TRPM3: variants seen among roughly 807,000 people sequenced by gnomAD.
TRPM3 encodes the protein transient receptor potential cation channel subfamily M member 3, also known as long transient receptor potential channel 3.
Under a neutral mutation model 181.2 loss-of-function variants are expected in TRPM3, and 77 were observed. The observed-to-expected ratio is 0.42, with a 90% confidence interval of 0.35 to 0.51. The LOEUF (loss-of-function observed/expected upper bound fraction) is 0.51, where lower values mean the gene tolerates loss of function less well. Ranked by LOEUF, TRPM3 falls within the 20% of genes least tolerant of loss-of-function variation. TRPM3 has a pLI of 0.01. For missense variants in TRPM3, 1,759 were observed against 2,196.7 expected, an observed-to-expected ratio of 0.80 and a Z score of 3.98; for synonymous variants, 745 against 796.4, an observed-to-expected ratio of 0.94 and a Z score of 1.09.
intron 1 of TRPM3, among the ~76,000 whole-genome samples, chr9:70,940,521 A>G (rs2096875731): frequency 6.6e-6 from 1 of 152,216 alleles, no homozygotes; most frequent in African/African-American, 2.4e-5. Context: ...ATGCTAGGTG[A>G]TGGGGTGTTC....
At chr9:70,935,260 G>T (rs2096817474) in intron 1 of TRPM3, among the ~76,000 whole-genome samples, 1 of 152,118 alleles carries the variant, frequency 6.6e-6, no homozygotes, top group African/African-American at 2.4e-5. Flanking sequence ...ACTGGGTTGT[G>T]TTTAATGAGT....
chr9:71,349,736 T>C (rs536738749), intron 1 of TRPM3, among the ~76,000 whole-genome samples: 1 of 152,154 alleles, frequency 6.6e-6, no homozygotes, highest in East Asian at 1.9e-4. Context: ...TCAGAAACTA[T>C]TAGACTATGT....
intron 8 of TRPM3, among the ~76,000 whole-genome samples, chr9:70,759,394 A>T (rs548031225): frequency 5.3e-4 from 81 of 152,356 alleles, no homozygotes; most frequent in Non-Finnish European, 1.0e-3. Flanking sequence ...GGGAGTGTAT[A>T]TTAGTTCAAT....
intron 1 of TRPM3, among the ~76,000 whole-genome samples, chr9:71,024,035 T>C (rs777261511): frequency 6.6e-6 from 1 of 152,214 alleles, no homozygotes; most frequent in African/African-American, 2.4e-5. Context: ...TTGTACAATG[T>C]CAATGTCCTG....
intron 22 of TRPM3, among the ~76,000 whole-genome samples, chr9:70,565,443 G>A (rs2050307037): frequency 6.6e-6 from 1 of 152,086 alleles, no homozygotes; most frequent in South Asian, 2.1e-4. Flanking sequence ...ACAGGCACAA[G>A]CTACCATGCC....
At chr9:71,414,646 A>G (rs147196978) in intron 1 of TRPM3, among the ~76,000 whole-genome samples, 32 of 152,204 alleles carry the variant, frequency 2.1e-4, no homozygotes, top group African/African-American at 7.2e-4. Flanking sequence ...TACATGACAT[A>G]TGGTATAAAA....
chr9:70,846,497 A>T lies in TRPM3; in HGVS notation c.557T>A (p.Val186Asp). 1 of 1,614,142 alleles carries T rather than the reference A, an allele frequency of 6.2e-7. No homozygotes were observed. Among genetic ancestry groups the T allele is most frequent in the African/African-American group, 1.3e-5 (1 of 75,036 alleles). Residue 186 changes from valine (V) to aspartate (D), a missense_variant, in exon 4 of 26, where the codon GTC (valine) becomes GAC (aspartate). By Grantham distance (152) the Val-to-Asp change is radical (BLOSUM62 -3). Around this residue, in one of 8 missense-constraint regions of TRPM3, gnomAD observed 737 missense variants for 957.4 expected, o/e 0.77. Coordinates refer to ENST00000677713, the MANE Select transcript of TRPM3 (RefSeq NM_001366145.2). The part of the protein sequence containing the change: ...QLELPKLLIS[V>D]HGGLQNFELQ... ...TTCAAAGTTCTGCAGGCCCCCATGG[A>T]CAGAGATGAGAAGCTTGGGAAGCTC... is the stretch of plus-strand genomic sequence containing the variant.
At chr9:70,883,536 G>A (rs984473827) in intron 1 of TRPM3, among the ~76,000 whole-genome samples, 2 of 152,194 alleles carry the variant, frequency 1.3e-5, no homozygotes, top group African/African-American at 4.8e-5. Context: ...CTGAGAGCTT[G>A]AGAAAGTGGT....
chr9:70,653,140 T>A (rs940128267), intron 9 of TRPM3, among the ~76,000 whole-genome samples: 2 of 152,082 alleles, frequency 1.3e-5, no homozygotes, highest in African/African-American at 4.8e-5. Flanking sequence ...AGGATTTGGG[T>A]TTAGCCAAGA....
chr9:71,319,914 A>T (rs141874705), intron 1 of TRPM3, among the ~76,000 whole-genome samples: 32 of 152,262 alleles, frequency 2.1e-4, no homozygotes, highest in African/African-American at 6.7e-4. Context: ...AAGAATTACA[A>T]AATTCTAATA....
chr9:70,647,745 G>A (rs1304971665), intron 9 of TRPM3, among the ~76,000 whole-genome samples: 1 of 152,182 alleles, frequency 6.6e-6, no homozygotes, highest in African/African-American at 2.4e-5. Context: ...AAGAGAGGAA[G>A]TCAAACTATC....
intron 1 of TRPM3, among the ~76,000 whole-genome samples, chr9:70,892,559 A>G (rs973458643): frequency 2.0e-5 from 3 of 151,570 alleles, no homozygotes; most frequent in Admixed American, 2.0e-4. Context: ...GTCTCAAGTC[A>G]ATACATTGCT....
At chr9:70,674,154 T>C (rs2063529829) in intron 9 of TRPM3, among the ~76,000 whole-genome samples, 2 of 152,252 alleles carry the variant, frequency 1.3e-5, no homozygotes, top group Non-Finnish European at 1.5e-5. Flanking sequence ...GTACACATAA[T>C]TAGAAATATT....
At position 70,847,234 on chromosome 9, in the gene TRPM3, T is replaced by G. The variant is rs538401034; in HGVS notation, c.463-643A>C. Among the ~76,000 whole-genome samples the G allele has an allele frequency of 5.3e-5, 8 of 152,226 alleles. No individual in the cohort carries two copies. In the East Asian group the frequency reaches 1.4e-3, roughly 26 times the overall value. On this transcript the variant is annotated intron_variant, in intron 3 of 25. Transcript: ENST00000677713. ...TTACCAGATGCAACTGGAAATAAAG[T>G]TATAATAAGTCTATATAAATGAAAT... is the stretch of plus-strand genomic sequence containing the variant.
At chr9:70,805,720 A>G (rs1427765671) in intron 6 of TRPM3, among the ~76,000 whole-genome samples, 1 of 152,194 alleles carries the variant, frequency 6.6e-6, no homozygotes. Context: ...AATGAAAAAA[A>G]TAAACAAAAG....
intron 21 of TRPM3, 150 bp from the exon 22 acceptor site, chr9:70,591,355 T>C: frequency 1.5e-6 from 1 of 653,264 alleles, no homozygotes; most frequent in East Asian, 2.7e-5. Flanking sequence ...TGTGTCCAGA[T>C]AAGAAGATGC....
intron 1 of TRPM3, among the ~76,000 whole-genome samples, chr9:71,001,630 T>G (rs1335929295): frequency 6.6e-6 from 1 of 152,176 alleles, no homozygotes; most frequent in African/African-American, 2.4e-5. Flanking sequence ...TTTCCTCCTG[T>G]AAAAACATTG....
intron 1 of TRPM3, among the ~76,000 whole-genome samples, chr9:71,258,828 G>A (rs1265229274): frequency 6.6e-6 from 1 of 152,040 alleles, no homozygotes; most frequent in Non-Finnish European, 1.5e-5. Context: ...AAAAGTTATA[G>A]ACTACTAATT....
intron 1 of TRPM3, among the ~76,000 whole-genome samples, chr9:71,203,647 T>C (rs2078938830): frequency 6.6e-6 from 1 of 152,170 alleles, no homozygotes; most frequent in Admixed American, 6.5e-5. Context: ...CTGAATTTCC[T>C]CATCTATAAA....
Sources: allele counts gnomAD v4.1 joint callset (sites outside exome capture counted in the v4.1 genomes callset), GRCh38; gene constraint gnomAD v4.1.1; regional missense constraint gnomAD v4.1.1; transcripts MANE v1.5; gene names NCBI Gene and HGNC (gene_info 2026-07-23, HGNC 2026-07-21).